Variants in RNF19A observed in about 807,000 individuals in gnomAD.
RNF19A encodes the protein E3 ubiquitin-protein ligase RNF19A.
In RNF19A, 32 loss-of-function variants were observed where a neutral mutation model predicts 75.7. That is an observed-to-expected ratio of 0.42 (90% CI 0.32 to 0.57). The LOEUF (loss-of-function observed/expected upper bound fraction) is 0.57, where lower values mean the gene tolerates loss of function less well. Among genes scored for constraint, RNF19A ranks in the 20% least tolerant of loss-of-function variants. The probability of loss-of-function intolerance (pLI) is 0.10; values close to 1 mark genes in which losing one functional copy is unlikely to be tolerated. For synonymous variants in RNF19A, 335 were observed against 345.2 expected (o/e 0.97, Z 0.33); for missense variants, 782 against 1,036.3 (o/e 0.75, Z 3.37).
In RNF19A at chr8:100,261,643, G is replaced by A; in HGVS notation, c.1581C>T (p.Ala527=). The change falls in exon 8 of 10, where the codon GCC becomes GCT. Residue 527 remains alanine, a synonymous_variant. Transcript: ENST00000341084. The surrounding 1 kb of genome is among the most constrained non-coding windows in gnomAD (Gnocchi z 4.4). ...ASGSHMDRIG[A]IRDNLSETAS... The stretch of plus-strand genomic sequence containing the variant: ...CCGTTTCACTCAGGTTGTCTCGGAT[G>A]GCTCCTATTCGATCCATGTGGCTTC... 1 of 1,614,094 alleles carries A rather than the reference G, an allele frequency of 6.2e-7. No individual in the cohort carries two copies. The highest frequency in any genetic ancestry group is 8.5e-7 in the Non-Finnish European group (1 of 1,180,004).
rs1337138831 is a variant in RNF19A, at chr8:100,320,027, A to G, written c.-242-6655T>C. On this transcript the variant is annotated intron_variant, in intron 1 of 3. Coordinates refer to the RNF19A transcript ENST00000519527. ...ATTTTTGTATTTTTAGTAGAGATGG[A>G]GTTTCACCATGTTGGCCAGGCTGGT... Among the ~76,000 whole-genome samples the G allele has an allele frequency of 3.2e-3, 365 of 114,224 alleles. No individual in the cohort carries two copies. In the Middle Eastern group the frequency reaches 0.038, roughly 12 times the overall value. The allele number at this position is 114,224 out of a possible 152,430, so 74.9% of individuals were successfully genotyped here.
At chr8:100,270,045 C>T (rs781748716) in intron 3 of RNF19A, 32 bp from the exon 4 acceptor site, 1 of 1,479,796 alleles carries the variant, frequency 6.8e-7, no homozygotes, top group South Asian at 1.5e-5. Flanking sequence ...CTATTAAGTA[C>T]ATAAAACTGG....
intron 5 of RNF19A, among the ~76,000 whole-genome samples, chr8:100,267,764 C>G (rs1449103436): frequency 6.6e-6 from 1 of 151,534 alleles, no homozygotes; most frequent in African/African-American, 2.4e-5. Flanking sequence ...GCAACCTCCA[C>G]CTCCCAGGTT....
intron 3 of RNF19A, among the ~76,000 whole-genome samples, chr8:100,271,259 C>G (rs1479826062): frequency 6.6e-6 from 1 of 151,648 alleles, no homozygotes; most frequent in African/African-American, 2.4e-5. Context: ...GCAGCCAGAC[C>G]AGGACAATTG....
chr8:100,259,806 C>T lies in RNF19A; in HGVS notation c.1826+48G>A, dbSNP rs755534775. On this transcript the variant is annotated intron_variant, in intron 9 of 9. Transcript: ENST00000341084. The surrounding 1 kb of genome is among the most constrained non-coding windows in gnomAD (Gnocchi z 4.5). Reference sequence around the variant, plus strand: ...AATTTGTCTAATGATAGGAATTATTCCTTTAATTTAAAAAATACTTTCAAT... The same window carrying T: ...AATTTGTCTAATGATAGGAATTATTTCTTTAATTTAAAAAATACTTTCAAT... 1.3e-6 allele frequency: 2 copies of T among 1,510,216 alleles called. No individual in the cohort carries two copies. The highest frequency in any genetic ancestry group is 2.3e-5 in the South Asian group (2 of 85,154). The allele number at this position is 1,510,216 out of a possible 1,614,324, so 93.6% of individuals were successfully genotyped here.
At chr8:100,301,404 G>C (rs1821821176) in intron 1 of RNF19A, among the ~76,000 whole-genome samples, 1 of 151,976 alleles carries the variant, frequency 6.6e-6, no homozygotes, top group Non-Finnish European at 1.5e-5. Context: ...ATTTCCACTG[G>C]TTTCCCCGAG....
At chr8:100,283,340 T>C (rs983396020) in intron 2 of RNF19A, among the ~76,000 whole-genome samples, 23 of 152,242 alleles carry the variant, frequency 1.5e-4, no homozygotes, top group African/African-American at 5.3e-4. Flanking sequence ...TCAAGGCAGC[T>C]TCTATGCTTC....
intron 1 of RNF19A, among the ~76,000 whole-genome samples, chr8:100,318,026 T>A (rs1822408764): frequency 2.0e-5 from 3 of 151,432 alleles, no homozygotes; most frequent in Non-Finnish European, 4.4e-5. Flanking sequence ...ATGCCATGGC[T>A]CCTTCCTCCC....
rs982913588 is a variant in RNF19A at position 100,331,016 on chromosome 8, T to G, written c.-243+5092A>C. Reference sequence around the variant, plus strand: ...TGCTTTTTGTTTCTGAGTCTTCCTTTCACATTGATACGTCCATTTCTATCT... The same window carrying G: ...TGCTTTTTGTTTCTGAGTCTTCCTTGCACATTGATACGTCCATTTCTATCT... On this transcript the variant is annotated intron_variant, in intron 1 of 3. Transcript: ENST00000519527. The surrounding 1 kb of genome is among the most constrained non-coding windows in gnomAD (Gnocchi z 5.2). Among the ~76,000 whole-genome samples the G allele has an allele frequency of 6.6e-6, 1 of 152,254 alleles. No homozygotes were observed. The highest frequency in any genetic ancestry group is 1.9e-4 in the East Asian group (1 of 5,204).
chr8:100,327,383 CT>C (rs1822549917), intron 1 of RNF19A, among the ~76,000 whole-genome samples: 1 of 150,750 alleles, frequency 6.6e-6, no homozygotes, highest in Non-Finnish European at 1.5e-5. Context: ...TCCCGAGTAG[CT>C]GGAATTACAG....
At position 100,259,599 on chromosome 8, in the gene RNF19A, A is replaced by G. The variant is rs994604245; in HGVS notation, c.1826+255T>C. 1.3e-5 allele frequency among the ~76,000 whole-genome samples: 2 copies of G among 152,152 alleles called. No individual in the cohort carries two copies. Among genetic ancestry groups the G allele is most frequent in the Non-Finnish European group, 2.9e-5 (2 of 68,022 alleles). ...AACCATCACCACTACCTAACTTCAG[A>G]ACATTTTCATGATCCCAAAAAGGGA... On this transcript the variant is annotated intron_variant, in intron 9 of 9. Transcript: ENST00000341084. This position sits in a 1 kb window ranked among gnomAD's most constrained non-coding sequence, Gnocchi z 4.5.
Position 100,258,271 on chromosome 8 carries a change from T to G in RNF19A, c.*285A>C, listed in dbSNP as rs961479438. 2 of 425,264 alleles carry G rather than the reference T, an allele frequency of 4.7e-6. No individual in the cohort carries two copies. The highest frequency in any genetic ancestry group is 4.1e-5 in the African/African-American group (2 of 48,820). 26.3% of individuals were successfully genotyped at this position (425,264 alleles called of 1,614,324 possible). A position where few individuals can be genotyped will look rare whatever the true frequency, so the allele number is the denominator to read the frequency against. On this transcript the variant is annotated 3_prime_UTR_variant, in exon 10 of 10. Transcript: ENST00000341084. The surrounding 1 kb of genome is among the most constrained non-coding windows in gnomAD (Gnocchi z 4.3). ...TTATATAAATTAAGACCAATTTCTA[T>G]CTAAGTATGTGCTTCAAGCAATGTT... is the stretch of plus-strand genomic sequence containing the variant.
chr8:100,303,813 C>T (rs1451825136), intron 1 of RNF19A, among the ~76,000 whole-genome samples: 1 of 151,004 alleles, frequency 6.6e-6, no homozygotes, highest in Non-Finnish European at 1.5e-5. Flanking sequence ...TGGCAGGTGC[C>T]TGTAATCCCA....
intron 1 of RNF19A, among the ~76,000 whole-genome samples, chr8:100,291,891 C>T (rs996747493): frequency 2.0e-5 from 3 of 147,956 alleles, no homozygotes; most frequent in Non-Finnish European, 3.0e-5. Context: ...ATGTATGGTA[C>T]TTCTAAAATA....
At chr8:100,279,561 A>G (rs566636976) in intron 2 of RNF19A, among the ~76,000 whole-genome samples, 180 of 150,882 alleles carry the variant, frequency 1.2e-3, no homozygotes, top group African/African-American at 4.3e-3. Context: ...TTTATTTTTT[A>G]TTTACTTTTG....
rs757829297 is a variant in RNF19A, at chr8:100,270,018, TG to T, written c.884-6del. On this transcript the variant is annotated splice_region_variant and splice_polypyrimidine_tract_variant and intron_variant, in intron 3 of 9. Coordinates refer to ENST00000341084, the MANE Select transcript of RNF19A (RefSeq NM_183419.4). ...GACATGGCTTTATATCATCAGCTAT[TG>T]GGAACACAGAGAAATCTATTAAGTA... 1.9e-6 allele frequency: 3 copies of T among 1,566,910 alleles called. No individual in the cohort carries two copies. Among genetic ancestry groups the T allele is most frequent in the Non-Finnish European group, 2.6e-6 (3 of 1,158,846 alleles).
Position 100,287,809 on chromosome 8 carries a change from G to A in RNF19A, c.366C>T (p.Ile122=). ...NTSSDNGLTS[I]SKQIGDFIEC... ...CTATGAAGTCTCCAATTTGTTTGCT[G>A]ATGGAAGTTAATCCATTGTCAGAAG... is the stretch of plus-strand genomic sequence containing the variant. Residue 122 remains isoleucine, a synonymous_variant, in exon 2 of 10, where the codon ATC becomes ATT. Coordinates refer to ENST00000341084, the MANE Select transcript of RNF19A (RefSeq NM_183419.4). This position sits in a 1 kb window ranked among gnomAD's most constrained non-coding sequence, Gnocchi z 4.1. 6.2e-7 allele frequency: 1 copy of A among 1,614,190 alleles called. No individual in the cohort carries two copies. The highest frequency in any genetic ancestry group is 8.5e-7 in the Non-Finnish European group (1 of 1,180,024).
Position 100,275,382 on chromosome 8 carries a change from TTTCAGGGTTTTTTTTTTAGG to T in RNF19A, c.675-241_675-222del, listed in dbSNP as rs1282989300. On this transcript the variant is annotated intron_variant, in intron 2 of 9. Coordinates refer to ENST00000341084, the MANE Select transcript of RNF19A (RefSeq NM_183419.4). This position sits in a 1 kb window ranked among gnomAD's most constrained non-coding sequence, Gnocchi z 4.3. ...ATATTTTAAAAGTTCAATTTTTAAC[TTTCAGGGTTTTTTTTTTAGG>T]TTCAGGGTTTTTTTTTTAGATTCAG... 3.0e-4 allele frequency among the ~76,000 whole-genome samples: 46 copies of T among 152,022 alleles called. No individual in the cohort carries two copies. Among genetic ancestry groups the T allele is most frequent in the Non-Finnish European group, 5.7e-4 (39 of 67,976 alleles).
Position 100,269,026 on chromosome 8 carries a change from A to C in RNF19A, c.1029-79T>G. 1 of 1,160,200 alleles carries C rather than the reference A, an allele frequency of 8.6e-7. No individual in the cohort carries two copies. The highest frequency in any genetic ancestry group is 1.2e-6 in the Non-Finnish European group (1 of 862,138). The allele number at this position is 1,160,200 out of a possible 1,614,324, so 71.9% of individuals were successfully genotyped here. ...ATTAGTGCACTATATTAAAACAATG[A>C]CTATTTTTAAAAACTTCTCATAGTT... On this transcript the variant is annotated intron_variant, in intron 4 of 9. Coordinates refer to ENST00000341084, the MANE Select transcript of RNF19A (RefSeq NM_183419.4). This position sits in a 1 kb window ranked among gnomAD's most constrained non-coding sequence, Gnocchi z 5.7.
Sources: allele counts gnomAD v4.1 joint callset (sites outside exome capture counted in the v4.1 genomes callset), GRCh38; gene constraint gnomAD v4.1.1; non-coding constraint Gnocchi (gnomAD v3.1); transcripts MANE v1.5; gene names NCBI Gene and HGNC (gene_info 2026-07-23, HGNC 2026-07-21).